The following TMEM254 variants were observed in gnomAD, a reference collection of about 807,000 sequenced individuals.
TMEM254 encodes the protein transmembrane protein C10orf57.
Under a neutral mutation model 13.9 loss-of-function variants are expected in TMEM254, and 16 were observed. The observed-to-expected ratio is 1.15, with a 90% confidence interval of 0.78 to 1.75. The LOEUF (loss-of-function observed/expected upper bound fraction) is 1.75. TMEM254 is among the 40% of genes most tolerant of loss of function. TMEM254 has a pLI of 0.00. For missense variants in TMEM254, 155 were observed against 149.0 expected, an observed-to-expected ratio of 1.04 and a Z score of -0.21; for synonymous variants, 61 against 56.4, an observed-to-expected ratio of 1.08 and a Z score of -0.36.
chr10:80,087,283 T>G (rs1844361765), intron 3 of TMEM254, among the ~76,000 whole-genome samples: 1 of 152,182 alleles, frequency 6.6e-6, no homozygotes, highest in African/African-American at 2.4e-5. Flanking sequence ...TTTCTTGCAT[T>G]TGTCCCACTT....
chr10:80,079,466 A>G (rs1843853250), intron 1 of TMEM254: 1 of 1,038,834 alleles, frequency 9.6e-7, no homozygotes. Context: ...CTGCCAAGTC[A>G]GAATAGGGCT....
intron 3 of TMEM254, among the ~76,000 whole-genome samples, chr10:80,088,665 T>G (rs1844429410): frequency 6.7e-6 from 1 of 150,012 alleles, no homozygotes; most frequent in Admixed American, 6.7e-5. Context: ...TCCAGGAGGC[T>G]GAGGCAGGAG....
Position 80,081,299 on chromosome 10 carries a change from C to G in TMEM254, c.88-542C>G, listed in dbSNP as rs1392587509. On this transcript the variant is annotated intron_variant, in intron 1 of 3. Transcript: ENST00000372281. ...AGGAAGAAAAAAAGACTTTAAGAGTCATCCACCGTGGGCACTGAGTCTGAT... is the reference window on the plus strand; with the variant it reads ...AGGAAGAAAAAAAGACTTTAAGAGTGATCCACCGTGGGCACTGAGTCTGAT... Among the ~76,000 whole-genome samples the G allele has an allele frequency of 1.1e-4, 16 of 151,942 alleles. No homozygotes were observed. The East Asian group carries it at 3.1e-3, about 30-fold the overall frequency.
chr10:80,078,783 C>G lies in TMEM254; in HGVS notation c.84C>G (p.Tyr28Ter). The G allele has an allele frequency of 6.2e-7, 1 of 1,603,204 alleles. No homozygotes were observed. The highest frequency in any genetic ancestry group is 8.5e-7 in the Non-Finnish European group (1 of 1,175,026). Residue 28 changes from tyrosine to a stop codon, truncating the protein, a stop_gained, in exon 1 of 4, where the codon TAC (tyrosine) becomes TAG (stop). Transcript: ENST00000372281. LOFTEE classifies it high-confidence loss of function. The stretch of plus-strand genomic sequence containing the variant: ...TCATCACCCTCAGCTTTGGCTACTA[C>G]ACAGTAAGGACAGCCGCTGGAGCGC... Reference protein sequence around the residue: ...FTVITLSFGYYTWVVFWPQSI... With the variant: ...FTVITLSFGY
At chr10:80,090,395 C>G (rs1844522797) in intron 3 of TMEM254, 3 of 717,554 alleles carry the variant, frequency 4.2e-6, no homozygotes. Flanking sequence ...AAAACTGATT[C>G]TGAGAGATTC....
intron 3 of TMEM254, among the ~76,000 whole-genome samples, chr10:80,087,960 T>G (rs1169922199): frequency 6.6e-6 from 1 of 152,214 alleles, no homozygotes; most frequent in Non-Finnish European, 1.5e-5. Context: ...ATTAATTTAT[T>G]GATATTAAAG....
In TMEM254 at chr10:80,082,180, C is replaced by A. The variant is rs766609547; in HGVS notation, c.227C>A (p.Ser76Tyr). 1.2e-6 allele frequency: 2 copies of A among 1,614,102 alleles called. No homozygotes were observed. Among genetic ancestry groups the A allele is most frequent in the South Asian group, 1.1e-5 (1 of 91,066 alleles). Residue 76 changes from serine to tyrosine, a missense_variant, in exon 3 of 4, where the codon TCC becomes TAC. By Grantham distance (144) the Ser-to-Tyr change is moderately radical. Coordinates refer to ENST00000372281, the MANE Select transcript of TMEM254 (RefSeq NM_025125.4). ...GCCTGGCTGATTCATGTGGGAGAGTCCTTGTATGCCATAGTATTGTGCAAG... is the reference window on the plus strand; with the variant it reads ...GCCTGGCTGATTCATGTGGGAGAGTACTTGTATGCCATAGTATTGTGCAAG... ...WLAWLIHVGE[S>Y]LYAIVLCKHK...
rs537443772 is a variant in TMEM254, at chr10:80,081,847, G to T, written c.94G>T (p.Val32Phe). Reference sequence around the variant, plus strand: ...GTCTCTGCTTCTCTTTCAGTGGGTTGTCTTCTGGCCTCAGAGTATCCCTTA... The same window carrying T: ...GTCTCTGCTTCTCTTTCAGTGGGTTTTCTTCTGGCCTCAGAGTATCCCTTA... The part of the protein sequence containing the change: ...TLSFGYYTWV[V>F]FWPQSIPYQN... The change falls in exon 2 of 4, where the codon GTC becomes TTC. Residue 32 changes from valine to phenylalanine, a missense_variant. By Grantham distance (50) the Val-to-Phe change is conservative. Transcript: ENST00000372281. 5.6e-6 allele frequency: 9 copies of T among 1,614,192 alleles called. No homozygotes were observed. In the South Asian group the frequency reaches 9.9e-5, roughly 18 times the overall value.
intron 1 of TMEM254, among the ~76,000 whole-genome samples, chr10:80,081,007 G>A (rs984531907): frequency 6.6e-6 from 1 of 152,180 alleles, no homozygotes; most frequent in Admixed American, 6.5e-5. Flanking sequence ...TTGAATCCGC[G>A]AGGCGGAGGT....
intron 1 of TMEM254, among the ~76,000 whole-genome samples, chr10:80,080,874 G>A (rs566378821): frequency 1.3e-5 from 2 of 152,326 alleles, no homozygotes; most frequent in South Asian, 4.1e-4. Flanking sequence ...GATGTCAGGA[G>A]TTGGAGATCA....
In TMEM254 at chr10:80,090,746, GAA is replaced by G. The variant is rs781379784; in HGVS notation, c.252-49_252-48del. 5.7e-6 allele frequency: 9 copies of G among 1,573,304 alleles called. No individual in the cohort carries two copies. The South Asian group carries it at 1.1e-4, about 19-fold the overall frequency. On this transcript the variant is annotated intron_variant, in intron 3 of 3. Coordinates refer to ENST00000372281, the MANE Select transcript of TMEM254 (RefSeq NM_025125.4). ...ATATATAGAAGACAATAACTCCCATGAAACTGTAAGATTAACATCTCGTGTTT... is the reference window on the plus strand; with the variant it reads ...ATATATAGAAGACAATAACTCCCATGACTGTAAGATTAACATCTCGTGTTT...
At chr10:80,086,180 T>C in intron 3 of TMEM254, 1 of 1,243,306 alleles carries the variant, frequency 8.0e-7, no homozygotes. Flanking sequence ...TTAAGGGAAA[T>C]GTGAATTAAA....
In TMEM254 at chr10:80,079,044, G is replaced by A. The variant is rs977979371; in HGVS notation, c.87+258G>A. 29 of 1,498,024 alleles carry A rather than the reference G, an allele frequency of 1.9e-5. No homozygotes were observed. In the East Asian group the frequency reaches 7.4e-4, roughly 38 times the overall value. The allele number at this position is 1,498,024 out of a possible 1,614,324, so 92.8% of individuals were successfully genotyped here. ...TTCTTATATGGGGGCGGGGACGGCT[G>A]GGGAGCTCCCAGCCAACTCTGTGTC... On this transcript the variant is annotated intron_variant, in intron 1 of 3. Coordinates refer to ENST00000372281, the MANE Select transcript of TMEM254 (RefSeq NM_025125.4).
intron 3 of TMEM254, 23 bp downstream of exon 3, chr10:80,082,227 T>G (rs1844074671): frequency 6.2e-7 from 1 of 1,613,586 alleles, no homozygotes. Flanking sequence ...AGTAGGTGTT[T>G]GTTGCCTTTC....
intron 1 of TMEM254, 175 bp from the exon 2 acceptor site, chr10:80,081,665 CA>C (rs113172526): frequency 1.1e-3 from 1,564 of 1,396,458 alleles, no homozygotes; most frequent in Admixed American, 3.1e-3. Flanking sequence ...GAGACCCTGT[CA>C]AAAAAAAAAG....
Position 80,091,241 on chromosome 10 carries a change from C to T in TMEM254, c.*324C>T, listed in dbSNP as rs562219136. On this transcript the variant is annotated 3_prime_UTR_variant, in exon 4 of 4. Coordinates refer to ENST00000372281, the MANE Select transcript of TMEM254 (RefSeq NM_025125.4). ...TGAGCTAAGCCACATACTAAACTGA[C>T]TTTTTGGTTTGTATACCCTTGCTCC... The T allele has an allele frequency of 7.0e-5, 13 of 184,996 alleles. No homozygotes were observed. Among genetic ancestry groups the T allele is most frequent in the African/African-American group, 2.8e-4 (12 of 42,704 alleles). The allele number at this position is 184,996 out of a possible 1,614,324, so 11.5% of individuals were successfully genotyped here.
Position 80,090,866 on chromosome 10 carries a change from G to A in TMEM254, c.321G>A (p.Ala107=), listed in dbSNP as rs114705146. The part of the protein sequence containing the change: ...WFLQTFFFGI[A]SLTILIAYKR... ...TACAGACTTTCTTCTTTGGGATAGC[G>A]TCTCTCACCATCTTGATTGCTTACA... Residue 107 remains alanine (A), a synonymous_variant, in exon 4 of 4, where the codon GCG becomes GCA. Transcript: ENST00000372281. The A allele has an allele frequency of 9.3e-6, 15 of 1,614,064 alleles. No individual in the cohort carries two copies. The highest frequency in any genetic ancestry group is 3.3e-5 in the South Asian group (3 of 91,070).
In TMEM254 at chr10:80,091,194, G is replaced by A. The variant is rs1427990297; in HGVS notation, c.*277G>A. 6 of 293,760 alleles carry A rather than the reference G, an allele frequency of 2.0e-5. No individual in the cohort carries two copies. The highest frequency in any genetic ancestry group is 3.8e-5 in the Non-Finnish European group (6 of 159,528). 18.2% of individuals were successfully genotyped at this position (293,760 alleles called of 1,614,324 possible). A position where few individuals can be genotyped will look rare whatever the true frequency, so the allele number is the denominator to read the frequency against. ...AGCTACCTTCTTACAGTCTTTGGCT[G>A]TGTTGGTACCCTCGTGTGCTCTGAG... On this transcript the variant is annotated 3_prime_UTR_variant, in exon 4 of 4. Coordinates refer to ENST00000372281, the MANE Select transcript of TMEM254 (RefSeq NM_025125.4).
rs1192886692 is a variant in TMEM254 at position 80,090,976 on chromosome 10, G to A, written c.*59G>A. 1.3e-6 allele frequency: 2 copies of A among 1,585,900 alleles called. No homozygotes were observed. Among genetic ancestry groups the A allele is most frequent in the East Asian group, 2.2e-5 (1 of 44,448 alleles). On this transcript the variant is annotated 3_prime_UTR_variant, in exon 4 of 4. Transcript: ENST00000372281. ...TCATCCTCACCCTTTTTTTTGTGGG[G>A]TAGAGGAGGTGCAGTAATTTACTCA...
Sources: allele counts gnomAD v4.1 joint callset (sites outside exome capture counted in the v4.1 genomes callset), GRCh38; gene constraint gnomAD v4.1.1; transcripts MANE v1.5; gene names NCBI Gene and HGNC (gene_info 2026-07-23, HGNC 2026-07-21).